ITIH1: variants seen among roughly 807,000 people sequenced by gnomAD.
ITIH1 encodes the protein inter-alpha-trypsin inhibitor heavy chain H1.
In ITIH1, 94 loss-of-function variants were observed where a neutral mutation model predicts 104.6. The ratio of observed to expected loss-of-function variants is 0.90; its 90% CI spans 0.76 to 1.07. ITIH1 has a LOEUF of 1.07. Among genes scored for constraint, ITIH1 ranks in the 50% least tolerant of loss-of-function variants. ITIH1 has a pLI of 0.00. For synonymous variants in ITIH1, 455 were observed against 464.4 expected (o/e 0.98, Z 0.26); for missense variants, 1,193 against 1,181.4 (o/e 1.01, Z -0.14).
chr3:52,778,887 G>A, intron 3 of ITIH1, 55 bp from the exon 4 acceptor site: 4 of 1,329,382 alleles, frequency 3.0e-6, no homozygotes, highest in Non-Finnish European at 4.3e-6. Flanking sequence ...GCCCTCTCAG[G>A]ACCTGTGTGG....
At chr3:52,778,902 G>A (rs746429939) in intron 3 of ITIH1, 40 bp from the exon 4 acceptor site, 2 of 1,442,108 alleles carry the variant, frequency 1.4e-6, no homozygotes, top group Admixed American at 1.7e-5. Context: ...GTGTGGTCAG[G>A]AGGCTCATCT....
In ITIH1 at chr3:52,785,035, T is replaced by C. The variant is rs778500244; in HGVS notation, c.1408-9T>C. 1 of 1,613,708 alleles carries C rather than the reference T, an allele frequency of 6.2e-7. No homozygotes were observed. The highest frequency in any genetic ancestry group is 8.5e-7 in the Non-Finnish European group (1 of 1,179,854). On this transcript the variant is annotated splice_polypyrimidine_tract_variant and intron_variant, in intron 11 of 21. Coordinates refer to ENST00000273283, the MANE Select transcript of ITIH1 (RefSeq NM_002215.4). Reference sequence around the variant, plus strand: ...CTCAGCTCTAAGGCTGCAACCTCTATCCCTGCAGGGTTTCTACAGCCAGGT... The same window carrying C: ...CTCAGCTCTAAGGCTGCAACCTCTACCCCTGCAGGGTTTCTACAGCCAGGT...
rs562477828 is a variant in ITIH1 at position 52,784,479 on chromosome 3, T to A, written c.1407+2T>A. 586 of 1,613,304 alleles carry A rather than the reference T, an allele frequency of 3.6e-4. 5 individuals carry two copies. The South Asian group carries it at 5.9e-3, about 16-fold the overall frequency. ...CATGATGCCACCCAGCAGCTGCAGG[T>A]CTCCCCTCACAACCCCCTGTACCTC... On this transcript the variant is annotated splice_donor_variant, in intron 11 of 21. Transcript: ENST00000273283. LOFTEE classifies it high-confidence loss of function.
chr3:52,779,119 G>T lies in ITIH1; in HGVS notation c.410+73G>T, dbSNP rs1451886521. On this transcript the variant is annotated intron_variant, in intron 4 of 21. Coordinates refer to ENST00000273283, the MANE Select transcript of ITIH1 (RefSeq NM_002215.4). This position sits in a 1 kb window ranked among gnomAD's most constrained non-coding sequence, Gnocchi z 4.4. ...CCAGGACAGGTCTGATGGCTGCAAG[G>T]TGGCTTTAGTGGAGAACAGCCCAGG... 26 of 1,067,528 alleles carry T rather than the reference G, an allele frequency of 2.4e-5. No homozygotes were observed. Among genetic ancestry groups the T allele is most frequent in the Admixed American group, 3.5e-5 (2 of 57,124 alleles). The allele number at this position is 1,067,528 out of a possible 1,614,324, so 66.1% of individuals were successfully genotyped here. A position where few individuals can be genotyped will look rare whatever the true frequency, so the allele number is the denominator to read the frequency against.
Position 52,791,613 on chromosome 3 carries a change from G to A in ITIH1, c.2591G>A (p.Arg864Gln), listed in dbSNP as rs913144777. ...PDATMVVRNR[R>Q]LTVTRGLQKD... ...GCCACGATGGTGGTGAGGAACCGCC[G>A]GCTCACGGTCACCAGGTGGGTGGGC... The change falls in exon 21 of 22, where the codon CGG becomes CAG. Residue 864 changes from arginine (R) to glutamine (Q), a missense_variant. By Grantham distance (43) the Arg-to-Gln change is conservative (BLOSUM62 1). Coordinates refer to ENST00000273283, the MANE Select transcript of ITIH1 (RefSeq NM_002215.4). 2.5e-5 allele frequency: 40 copies of A among 1,613,780 alleles called. No homozygotes were observed. Among genetic ancestry groups the A allele is most frequent in the Non-Finnish European group, 3.2e-5 (38 of 1,179,926 alleles).
At chr3:52,790,982 G>T in intron 20 of ITIH1, 61 bp downstream of exon 20, 1 of 1,508,728 alleles carries the variant, frequency 6.6e-7, no homozygotes, top group South Asian at 1.3e-5. Flanking sequence ...GGACATGTGG[G>T]ACCTGGGGCC....
At chr3:52,780,231 C>G in intron 5 of ITIH1, 38 bp from the exon 6 acceptor site, 2 of 1,479,748 alleles carry the variant, frequency 1.4e-6, no homozygotes, top group Non-Finnish European at 1.9e-6. Context: ...AAGATCCCAT[C>G]TTTTTTTTTA....
At chr3:52,778,206 G>A (rs1199612499) in intron 2 of ITIH1, 134 bp from the exon 3 acceptor site, 2 of 1,103,930 alleles carry the variant, frequency 1.8e-6, no homozygotes, top group Non-Finnish European at 2.7e-6. Context: ...GAGAGCAGGG[G>A]TCTTCCTGCG....
chr3:52,785,493 C>T (rs973268560), intron 12 of ITIH1, among the ~76,000 whole-genome samples: 2 of 152,236 alleles, frequency 1.3e-5, no homozygotes, highest in African/African-American at 4.8e-5. Context: ...TTTTTCGCAT[C>T]ATTCATCCCA....
chr3:52,786,420 G>T lies in ITIH1; in HGVS notation c.1719G>T (p.Glu573Asp). The part of the protein sequence containing the change: ...ERLWAYLTIQ[E>D]LLAKRMKVDR... ...TCTGGGCCTACCTCACCATCCAGGA[G>T]CTGCTGGCCAAGCGGTAGGGCACCT... is the stretch of plus-strand genomic sequence containing the variant. Residue 573 changes from glutamate to aspartate, a missense_variant, in exon 13 of 22, where the codon GAG becomes GAT. Transcript: ENST00000273283. 6.3e-7 allele frequency: 1 copy of T among 1,584,874 alleles called. No individual in the cohort carries two copies. The highest frequency in any genetic ancestry group is 2.3e-5 in the East Asian group (1 of 43,170).
intron 19 of ITIH1, 51 bp from the exon 20 acceptor site, chr3:52,790,698 A>C (rs1699330170): frequency 5.7e-6 from 9 of 1,574,298 alleles, no homozygotes; most frequent in Non-Finnish European, 7.8e-6. Context: ...AGCTGAATGG[A>C]GAGGGATGCA....
At chr3:52,787,327 T>C in intron 15 of ITIH1, 125 bp downstream of exon 15, 1 of 1,379,844 alleles carries the variant, frequency 7.2e-7, no homozygotes, top group Non-Finnish European at 1.0e-6. Flanking sequence ...TTCCCGTTCT[T>C]CCGTCCCCTG....
At chr3:52,784,986 G>C in intron 11 of ITIH1, 58 bp from the exon 12 acceptor site, 1 of 1,549,618 alleles carries the variant, frequency 6.5e-7, no homozygotes, top group African/African-American at 1.4e-5. Flanking sequence ...TTGTGGGCAG[G>C]CTTCCCATTA....
intron 6 of ITIH1, among the ~76,000 whole-genome samples, chr3:52,781,019 A>C (rs1181868353): frequency 6.6e-6 from 1 of 152,218 alleles, no homozygotes; most frequent in Non-Finnish European, 1.5e-5. Context: ...TGCTTCTTAC[A>C]GTTTAGAGGG....
chr3:52,781,287 CTCT>C (rs140379566), intron 6 of ITIH1, among the ~76,000 whole-genome samples: 29,767 of 70,822 alleles, frequency 0.42, 6,551 homozygotes, highest in Middle Eastern at 0.64. Context: ...CTTCTTCTTC[CTCT>C]TCTTCTTCTT....
intron 12 of ITIH1, 118 bp downstream of exon 12, chr3:52,785,347 TCATCCCCA>T: frequency 1.1e-6 from 1 of 934,428 alleles, no homozygotes; most frequent in East Asian, 2.6e-5. Flanking sequence ...AGTAGTACCC[TCATCCCCA>T]CCATGCCACA....
At position 52,785,042 on chromosome 3, in the gene ITIH1, AG is replaced by A. The variant is rs1475210732; in HGVS notation, c.1409del. ...CTAAGGCTGCAACCTCTATCCCTGCAGGGTTTCTACAGCCAGGTAGCCAAAC... is the reference window on the plus strand; with the variant it reads ...CTAAGGCTGCAACCTCTATCCCTGCAGGTTTCTACAGCCAGGTAGCCAAAC... On this transcript the variant is annotated splice_acceptor_variant, in intron 11 of 21. Transcript: ENST00000273283. LOFTEE classifies it high-confidence loss of function. 21 of 1,613,780 alleles carry A rather than the reference AG, an allele frequency of 1.3e-5. No homozygotes were observed. The highest frequency in any genetic ancestry group is 1.8e-5 in the Non-Finnish European group (21 of 1,179,932).
chr3:52,787,803 G>C, intron 16 of ITIH1, 183 bp from the exon 17 acceptor site: 1 of 894,126 alleles, frequency 1.1e-6, no homozygotes, highest in South Asian at 1.4e-5. Flanking sequence ...AGCTAAACAT[G>C]CCAGGCCAAG....
chr3:52,789,791 T>G lies in ITIH1; in HGVS notation c.2258T>G (p.Leu753Arg). The change falls in exon 19 of 22, where the codon CTG becomes CGG. Residue 753 changes from leucine to arginine, a missense_variant. Coordinates refer to ENST00000273283, the MANE Select transcript of ITIH1 (RefSeq NM_002215.4). ...GAAGTGACTCCTCAGAACATTACGC[T>G]GAACCCCGGCTTTGGTGGGCCTGTG... ...QLEVTPQNIT[L>R]NPGFGGPVFS... The G allele has an allele frequency of 6.2e-7, 1 of 1,614,240 alleles. No individual in the cohort carries two copies. The highest frequency in any genetic ancestry group is 2.2e-5 in the East Asian group (1 of 44,882).
Sources: allele counts gnomAD v4.1 joint callset (sites outside exome capture counted in the v4.1 genomes callset), GRCh38; gene constraint gnomAD v4.1.1; non-coding constraint Gnocchi (gnomAD v3.1); transcripts MANE v1.5; gene names NCBI Gene and HGNC (gene_info 2026-07-23, HGNC 2026-07-21).